CABLES1: variants seen among roughly 807,000 people sequenced by gnomAD.
CABLES1 encodes the protein CDK5 and ABL1 enzyme substrate 1.
Under a neutral mutation model 57.8 loss-of-function variants are expected in CABLES1, and 36 were observed. The ratio of observed to expected loss-of-function variants is 0.62; its 90% CI spans 0.48 to 0.82. The LOEUF (loss-of-function observed/expected upper bound fraction) is 0.82, where lower values mean the gene tolerates loss of function less well. Among genes scored for constraint, CABLES1 ranks in the 40% least tolerant of loss-of-function variants. CABLES1 has a pLI of 0.00. For missense variants in CABLES1, 767 were observed against 836.6 expected (o/e 0.92, Z 1.03); for synonymous variants, 374 against 363.0 (o/e 1.03, Z -0.35).
chr18:23,161,032 CAA>C (rs1308815835), intron 1 of CABLES1, among the ~76,000 whole-genome samples: 1 of 149,700 alleles, frequency 6.7e-6, no homozygotes, highest in Non-Finnish European at 1.5e-5. Context: ...CAGTGAGACT[CAA>C]AAAAAAGAGA....
intron 5 of CABLES1, among the ~76,000 whole-genome samples, chr18:23,235,228 G>A (rs1044647883): frequency 6.6e-6 from 1 of 152,176 alleles, no homozygotes; most frequent in African/African-American, 2.4e-5. Context: ...GGGTCCAGAC[G>A]GTCCTCATCA....
Position 23,219,678 on chromosome 18 carries a change from A to T in CABLES1, c.1088+5624A>T, listed in dbSNP as rs779233502. Among the ~76,000 whole-genome samples, 12 of 152,178 alleles carry T rather than the reference A, an allele frequency of 7.9e-5. 1 individual carries two copies. The highest frequency in any genetic ancestry group is 7.9e-4 in the Admixed American group (12 of 15,280). On this transcript the variant is annotated intron_variant, in intron 4 of 9. Coordinates refer to ENST00000256925, the MANE Select transcript of CABLES1 (RefSeq NM_001100619.3). ...ATGGGCCCATCACTTAGCCCTCCTG[A>T]GTCTCAGACCCCTCATCTATAAAAT...
rs1360113036 is a variant in CABLES1 at position 23,136,415 on chromosome 18, A to G, written c.653A>G (p.Gln218Arg). The G allele has an allele frequency of 6.2e-7, 1 of 1,600,202 alleles. No individual in the cohort carries two copies. The highest frequency in any genetic ancestry group is 8.5e-7 in the Non-Finnish European group (1 of 1,174,664). Residue 218 changes from glutamine to arginine, a missense_variant, in exon 1 of 10, where the codon CAG becomes CGG. Physicochemically the swap from Gln to Arg is conservative, Grantham distance 43. Transcript: ENST00000256925. ...LEEDDAFISVQVPAAAFLGSG... is the reference protein window; with the variant it reads ...LEEDDAFISVRVPAAAFLGSG... ...GAGGACGATGCCTTTATCAGCGTGC[A>G]GGTGCCGGCGGCCGCCTTTTTGGGC...
intron 4 of CABLES1, among the ~76,000 whole-genome samples, chr18:23,218,017 C>G (rs2047454888): frequency 6.6e-6 from 1 of 152,210 alleles, no homozygotes; most frequent in Non-Finnish European, 1.5e-5. Flanking sequence ...GCACATGGAC[C>G]CAGCCACATG....
chr18:23,191,802 C>T (rs2047244829), intron 2 of CABLES1, among the ~76,000 whole-genome samples: 2 of 151,252 alleles, frequency 1.3e-5, no homozygotes, highest in Non-Finnish European at 2.9e-5. Flanking sequence ...TTCGCTTAAC[C>T]TGCCAACCTG....
At chr18:23,144,657 C>T (rs1325574565) in intron 1 of CABLES1, among the ~76,000 whole-genome samples, 1 of 152,200 alleles carries the variant, frequency 6.6e-6, no homozygotes, top group Non-Finnish European at 1.5e-5. Context: ...TTGTCTAAGG[C>T]CACATAGCTG....
intron 1 of CABLES1, among the ~76,000 whole-genome samples, chr18:23,176,329 C>T (rs151205579): frequency 6.6e-6 from 1 of 152,142 alleles, no homozygotes; most frequent in Non-Finnish European, 1.5e-5. Context: ...GTGCACAGTT[C>T]ACAATAGGCT....
chr18:23,182,022 C>T (rs769059224), intron 1 of CABLES1, among the ~76,000 whole-genome samples: 3 of 152,194 alleles, frequency 2.0e-5, no homozygotes, highest in Non-Finnish European at 4.4e-5. Flanking sequence ...GCCCAGCGTG[C>T]AGCCAGGAAG....
rs1303999575 is a variant in CABLES1 at position 23,188,932 on chromosome 18, T to C, written c.917+23T>C. The C allele has an allele frequency of 2.6e-6, 4 of 1,539,244 alleles. No homozygotes were observed. In the East Asian group the frequency reaches 6.7e-5, roughly 26 times the overall value. ...GAGGTAATTTTCTGTTTCATTTATG[T>C]ATATGTAAACAGTACACCATGACAG... On this transcript the variant is annotated intron_variant, in intron 2 of 9. Coordinates refer to ENST00000256925, the MANE Select transcript of CABLES1 (RefSeq NM_001100619.3).
chr18:23,148,499 C>T (rs1440853939), intron 1 of CABLES1, among the ~76,000 whole-genome samples: 2 of 152,180 alleles, frequency 1.3e-5, no homozygotes, highest in Non-Finnish European at 2.9e-5. Context: ...TCCCATTTGG[C>T]ATTGGGTCAG....
At position 23,194,464 on chromosome 18, in the gene CABLES1, G is replaced by T; in HGVS notation, c.934G>T (p.Gly312Cys). Residue 312 changes from glycine to cysteine, a missense_variant, in exon 3 of 10, where the codon GGT (glycine) becomes TGT (cysteine). By Grantham distance (159) the Gly-to-Cys change is radical. This residue lies in a region of CABLES1 where 529 missense variants were observed against 622.8 expected (regional missense o/e 0.85). Transcript: ENST00000256925. ...APLRRCRTLS[G>C]SPRPKNFKKI... ...ATTTTTCAGATGTCGAACTCTCTCA[G>T]GTTCACCCAGACCAAAGAATTTTAA... The T allele has an allele frequency of 6.2e-7, 1 of 1,611,672 alleles. No individual in the cohort carries two copies. The highest frequency in any genetic ancestry group is 8.5e-7 in the Non-Finnish European group (1 of 1,177,854).
chr18:23,251,137 C>G (rs1331299451), intron 7 of CABLES1, among the ~76,000 whole-genome samples: 1 of 152,204 alleles, frequency 6.6e-6, no homozygotes, highest in Non-Finnish European at 1.5e-5. Flanking sequence ...TTTCTTCTTT[C>G]CTGAGCTTTG....
chr18:23,197,788 C>T (rs1402444728), intron 3 of CABLES1: 1 of 152,176 alleles, frequency 6.6e-6, no homozygotes, highest in Non-Finnish European at 1.5e-5. Flanking sequence ...TTGTGGACTT[C>T]ATAGCTGGAA....
At chr18:23,169,181 T>C (rs1323632412) in intron 1 of CABLES1, among the ~76,000 whole-genome samples, 1 of 152,212 alleles carries the variant, frequency 6.6e-6, no homozygotes, top group Non-Finnish European at 1.5e-5. Flanking sequence ...CTATATGGTC[T>C]AAAAGGGGAG....
chr18:23,231,015 T>C (rs1412415875), intron 4 of CABLES1, among the ~76,000 whole-genome samples: 1 of 150,614 alleles, frequency 6.6e-6, no homozygotes, highest in Non-Finnish European at 1.5e-5. Flanking sequence ...CATTTGATCA[T>C]GGACCCCATG....
At chr18:23,220,129 G>A (rs900950475) in intron 4 of CABLES1, among the ~76,000 whole-genome samples, 20 of 152,164 alleles carry the variant, frequency 1.3e-4, no homozygotes, top group Admixed American at 5.9e-4. Context: ...CAGACTGCCC[G>A]AGTATCTAAC....
intron 7 of CABLES1, among the ~76,000 whole-genome samples, chr18:23,244,815 A>G (rs2047833666): frequency 6.6e-6 from 1 of 152,218 alleles, no homozygotes; most frequent in Admixed American, 6.5e-5. Context: ...CCTGGGGTGC[A>G]GGCAGCACTA....
intron 1 of CABLES1, among the ~76,000 whole-genome samples, chr18:23,156,552 G>C (rs1437206366): frequency 6.6e-6 from 1 of 152,210 alleles, no homozygotes; most frequent in Non-Finnish European, 1.5e-5. Flanking sequence ...CCAGTAGTTT[G>C]TTTTATAAAG....
intron 3 of CABLES1, among the ~76,000 whole-genome samples, chr18:23,211,663 G>A (rs1254092876): frequency 1.3e-5 from 2 of 152,368 alleles, no homozygotes; most frequent in African/African-American, 4.8e-5. Flanking sequence ...TTAGGGAAGA[G>A]CATTCGTAGT....
Sources: gnomAD v4.1 joint callset for allele counts (sites outside exome capture counted in the v4.1 genomes callset) on GRCh38, gnomAD v4.1.1 for gene constraint, gnomAD v4.1.1 regional missense constraint, MANE v1.5 for transcripts, NCBI Gene and HGNC (gene_info 2026-07-23, HGNC 2026-07-21) for gene names.